Variants in CACNA2D4 observed in about 807,000 individuals in gnomAD.
The protein encoded by CACNA2D4 is calcium voltage-gated channel auxiliary subunit alpha2delta 4, also known as voltage-dependent calcium channel subunit alpha-2/delta-4.
A neutral mutation model predicts 163.8 loss-of-function variants in CACNA2D4; 157 were observed. The ratio of observed to expected loss-of-function variants is 0.96; its 90% confidence interval spans 0.84 to 1.09. The LOEUF is 1.09. Among genes scored for constraint, CACNA2D4 ranks in the 50% least tolerant of loss-of-function variants. CACNA2D4 has a pLI of 0.00. For synonymous variants in CACNA2D4, 598 were observed against 586.9 expected, an observed-to-expected ratio of 1.02 and a Z score of -0.27; for missense variants, 1,410 against 1,479.9, an observed-to-expected ratio of 0.95 and a Z score of 0.78.
chr12:1,837,578 G>A (rs1032359282), intron 26 of CACNA2D4, among the ~76,000 whole-genome samples: 47 of 152,238 alleles, frequency 3.1e-4, no homozygotes, highest in African/African-American at 1.0e-3. Context: ...AGGCCAAGGC[G>A]GAATTTTCTC....
Position 1,874,759 on chromosome 12 carries a change from T to G in CACNA2D4, c.1807-84A>C, listed in dbSNP as rs1865850277. ...GGCATTCTTCAGACCAGATTAGAGG[T>G]GATCCCCAGAAACACTTTTGGTTCT... is the stretch of plus-strand genomic sequence containing the variant. On this transcript the variant is annotated intron_variant, in intron 17 of 37. Coordinates refer to ENST00000382722, the MANE Select transcript of CACNA2D4 (RefSeq NM_172364.5). This position sits in a 1 kb window ranked among gnomAD's most constrained non-coding sequence, Gnocchi z 4.4. The G allele has an allele frequency of 1.0e-6, 1 of 985,056 alleles. No individual in the cohort carries two copies. The highest frequency in any genetic ancestry group is 1.6e-5 in the African/African-American group (1 of 63,134). The allele number at this position is 985,056 out of a possible 1,614,324, so 61.0% of individuals were successfully genotyped here. A position where few individuals can be genotyped will look rare whatever the true frequency, so the allele number is the denominator to read the frequency against.
intron 29 of CACNA2D4, among the ~76,000 whole-genome samples, chr12:1,804,795 G>T (rs564870817): frequency 6.6e-6 from 1 of 152,384 alleles, no homozygotes; most frequent in African/African-American, 2.4e-5. Flanking sequence ...AGCCCCTCCA[G>T]CTATGCTGGG....
At chr12:1,867,038 T>A (rs1209344379) in intron 18 of CACNA2D4, among the ~76,000 whole-genome samples, 1 of 152,166 alleles carries the variant, frequency 6.6e-6, no homozygotes, top group Non-Finnish European at 1.5e-5. Flanking sequence ...TTTAACGATG[T>A]TATTTTGTTG....
In CACNA2D4 at chr12:1,885,762, T is replaced by A. The variant is rs1047330480; in HGVS notation, c.1068+203A>T. ...GGTTCCCTTTGCTATGAGGTCTCTA[T>A]CTGCTCACTGTTTGCTCTGATAAGC... On this transcript the variant is annotated intron_variant, in intron 9 of 37. Transcript: ENST00000382722. Among the ~76,000 whole-genome samples, 4 of 152,196 alleles carry A rather than the reference T, an allele frequency of 2.6e-5. No individual in the cohort carries two copies. In the East Asian group the frequency reaches 5.8e-4, roughly 22 times the overall value.
At chr12:1,859,279 A>C (rs1865471827) in intron 19 of CACNA2D4, among the ~76,000 whole-genome samples, 1 of 151,984 alleles carries the variant, frequency 6.6e-6, no homozygotes, top group African/African-American at 2.4e-5. Flanking sequence ...GGATCGCTTG[A>C]GCCCGGGAGG....
chr12:1,799,829 G>T lies in CACNA2D4; in HGVS notation c.2975-134C>A. On this transcript the variant is annotated intron_variant, in intron 33 of 37. Coordinates refer to ENST00000382722, the MANE Select transcript of CACNA2D4 (RefSeq NM_172364.5). This position sits in a 1 kb window ranked among gnomAD's most constrained non-coding sequence, Gnocchi z 4.7. ...GTCCCAAGATGATGTCACACACAGA[G>T]CCAGGAGTGAGGGATGTGATGAGAG... is the stretch of plus-strand genomic sequence containing the variant. The T allele has an allele frequency of 1.5e-6, 2 of 1,312,256 alleles. No homozygotes were observed. Among genetic ancestry groups the T allele is most frequent in the Non-Finnish European group, 2.1e-6 (2 of 933,164 alleles). The allele number at this position is 1,312,256 out of a possible 1,614,324, so 81.3% of individuals were successfully genotyped here. A position where few individuals can be genotyped will look rare whatever the true frequency, so the allele number is the denominator to read the frequency against.
intron 26 of CACNA2D4, among the ~76,000 whole-genome samples, chr12:1,812,168 T>C (rs1863734829): frequency 6.6e-6 from 1 of 152,222 alleles, no homozygotes; most frequent in Non-Finnish European, 1.5e-5. Context: ...TAGCAACTCA[T>C]GGGCTCCTTG....
At chr12:1,825,640 A>G (rs1236511684) in intron 26 of CACNA2D4, among the ~76,000 whole-genome samples, 1 of 152,208 alleles carries the variant, frequency 6.6e-6, no homozygotes, top group Non-Finnish European at 1.5e-5. Flanking sequence ...ATGTTAGCAC[A>G]TACCTAGCTG....
At chr12:1,817,463 T>TCCCTCTC (rs1417343673) in intron 26 of CACNA2D4, among the ~76,000 whole-genome samples, 1 of 151,804 alleles carries the variant, frequency 6.6e-6, no homozygotes, top group Non-Finnish European at 1.5e-5. Context: ...AGGAGATGAC[T>TCCCTCTC]CCCTCTCCCC....
At chr12:1,865,124 C>T (rs1470659445) in intron 18 of CACNA2D4, among the ~76,000 whole-genome samples, 1 of 152,206 alleles carries the variant, frequency 6.6e-6, no homozygotes, top group East Asian at 1.9e-4. Context: ...TCACGCTGTA[C>T]CTGGCCACGG....
Position 1,802,770 on chromosome 12 carries a change from A to T in CACNA2D4, c.2722-1126T>A, listed in dbSNP as rs1863383514. 6.6e-6 allele frequency among the ~76,000 whole-genome samples: 1 copy of T among 152,124 alleles called. No homozygotes were observed. Among genetic ancestry groups the T allele is most frequent in the Admixed American group, 6.5e-5 (1 of 15,274 alleles). On this transcript the variant is annotated intron_variant, in intron 29 of 37. Coordinates refer to ENST00000382722, the MANE Select transcript of CACNA2D4 (RefSeq NM_172364.5). This position sits in a 1 kb window ranked among gnomAD's most constrained non-coding sequence, Gnocchi z 4.7. The stretch of plus-strand genomic sequence containing the variant: ...CCCTTCCTCTGTCCTCATGCCAAGG[A>T]ACTTCTTTCCTCACCCTCGCTGGGA...
intron 26 of CACNA2D4, among the ~76,000 whole-genome samples, chr12:1,826,176 C>T (rs2154446717): frequency 1.3e-5 from 2 of 152,280 alleles, no homozygotes; most frequent in Non-Finnish European, 2.9e-5. Context: ...GCTGCTCCCT[C>T]ACGCCTGTAC....
In CACNA2D4 at chr12:1,874,983, AAAACTC is replaced by A. The variant is rs2154449273; in HGVS notation, c.1806+262_1806+267del. On this transcript the variant is annotated intron_variant, in intron 17 of 37. Transcript: ENST00000382722. This position sits in a 1 kb window ranked among gnomAD's most constrained non-coding sequence, Gnocchi z 4.4. ...TCAAAAGCCAGGCTAAAACATCACT[AAAACTC>A]AGACTCTGCAGCTTATACACATGAT... Among the ~76,000 whole-genome samples the A allele has an allele frequency of 6.6e-6, 1 of 152,354 alleles. No individual in the cohort carries two copies. Among genetic ancestry groups the A allele is most frequent in the East Asian group, 1.9e-4 (1 of 5,190 alleles).
chr12:1,897,705 A>G (rs1321212535), intron 6 of CACNA2D4, among the ~76,000 whole-genome samples: 2 of 152,234 alleles, frequency 1.3e-5, no homozygotes, highest in Non-Finnish European at 2.9e-5. Flanking sequence ...GAAAAAGTAT[A>G]TATCAGGTAA....
intron 6 of CACNA2D4, among the ~76,000 whole-genome samples, chr12:1,896,654 C>CACACACACAA (rs1555186444): frequency 8.1e-5 from 10 of 124,000 alleles, no homozygotes; most frequent in African/African-American, 3.0e-4. Flanking sequence ...CACACACACA[C>CACACACACAA]AAAACAGATG....
chr12:1,809,356 C>A, intron 29 of CACNA2D4: 1 of 603,888 alleles, frequency 1.7e-6, no homozygotes, highest in Non-Finnish European at 2.9e-6. Context: ...GTCCAGCCCC[C>A]GGCGAGACAC....
At chr12:1,905,150 T>C (rs144979517) in intron 6 of CACNA2D4, among the ~76,000 whole-genome samples, 15 of 152,168 alleles carry the variant, frequency 9.9e-5, no homozygotes, top group African/African-American at 3.6e-4. Flanking sequence ...TAAAAAGCAT[T>C]TCACAAAATT....
In CACNA2D4 at chr12:1,828,159, C is replaced by T. The variant is rs763791887; in HGVS notation, c.2551+12580G>A. 112 of 1,543,080 alleles carry T rather than the reference C, an allele frequency of 7.3e-5. No homozygotes were observed. Among genetic ancestry groups the T allele is most frequent in the African/African-American group, 6.2e-4 (45 of 72,708 alleles). On this transcript the variant is annotated intron_variant, in intron 26 of 37. Coordinates refer to ENST00000382722, the MANE Select transcript of CACNA2D4 (RefSeq NM_172364.5). This position sits in a 1 kb window ranked among gnomAD's most constrained non-coding sequence, Gnocchi z 4.2. ...GCCGTGGGCCTCACCATGCTGGCGCCGGGCAGCAGCCCTGGGCAGAGGGGC... is the reference window on the plus strand; with the variant it reads ...GCCGTGGGCCTCACCATGCTGGCGCTGGGCAGCAGCCCTGGGCAGAGGGGC...
chr12:1,804,580 C>T (rs886539011), intron 29 of CACNA2D4, among the ~76,000 whole-genome samples: 1 of 152,246 alleles, frequency 6.6e-6, no homozygotes, highest in African/African-American at 2.4e-5. Context: ...TTCTCCCCGT[C>T]TTCTTTAGTT....
Sources: gnomAD v4.1 joint callset for allele counts (sites outside exome capture counted in the v4.1 genomes callset) on GRCh38, gnomAD v4.1.1 for gene constraint, Gnocchi (gnomAD v3.1) non-coding constraint, MANE v1.5 for transcripts, NCBI Gene and HGNC (gene_info 2026-07-23, HGNC 2026-07-21) for gene names.